Variants in SHC4 observed in about 807,000 individuals in gnomAD.
SHC4 encodes the protein SHC adaptor protein 4.
Under a neutral mutation model 69.4 loss-of-function variants are expected in SHC4, and 41 were observed. That is an observed-to-expected ratio of 0.59 (90% CI 0.46 to 0.77). The LOEUF (loss-of-function observed/expected upper bound fraction) is 0.77. Among genes scored for constraint, SHC4 ranks in the 30% least tolerant of loss-of-function variants. SHC4 has a pLI of 0.00. For missense variants in SHC4, 777 were observed against 783.8 expected (o/e 0.99, Z 0.10); for synonymous variants, 318 against 299.3 (o/e 1.06, Z -0.64).
At chr15:48,880,985 A>T (rs910501325) in intron 4 of SHC4, among the ~76,000 whole-genome samples, 6 of 145,974 alleles carry the variant, frequency 4.1e-5, no homozygotes, top group Admixed American at 6.8e-5. Flanking sequence ...TGTGTGTGAG[A>T]GTGTGTGTGT....
chr15:48,838,864 A>G (rs1054645423), intron 10 of SHC4, among the ~76,000 whole-genome samples: 6 of 152,182 alleles, frequency 3.9e-5, no homozygotes, highest in Non-Finnish European at 8.8e-5. Flanking sequence ...CCAACCTCAC[A>G]TAATCTATAA....
At chr15:48,946,888 A>G (rs1901286843) in intron 1 of SHC4, among the ~76,000 whole-genome samples, 1 of 152,186 alleles carries the variant, frequency 6.6e-6, no homozygotes. Context: ...ATGGATTAAC[A>G]TTTTTTAAAA....
At chr15:48,913,140 G>T (rs902361690) in intron 2 of SHC4, among the ~76,000 whole-genome samples, 34 of 151,736 alleles carry the variant, frequency 2.2e-4, no homozygotes, top group Non-Finnish European at 4.0e-4. Context: ...CCCTTAGTGT[G>T]TGGGGTCCTA....
At chr15:48,836,128 G>A (rs1030148903) in intron 10 of SHC4, among the ~76,000 whole-genome samples, 2 of 151,834 alleles carry the variant, frequency 1.3e-5, no homozygotes, top group African/African-American at 2.4e-5. Flanking sequence ...GGGAGGCAGA[G>A]GTTGCAATGA....
intron 3 of SHC4, among the ~76,000 whole-genome samples, chr15:48,890,109 T>G (rs1900108942): frequency 6.6e-6 from 1 of 152,196 alleles, no homozygotes; most frequent in Non-Finnish European, 1.5e-5. Context: ...AAGTGCTATT[T>G]TCTCCCATTT....
In SHC4 at chr15:48,887,878, A is replaced by G. The variant is rs112375073; in HGVS notation, c.720+2870T>C. ...GTAAGAGACTACTGTGAACAATTGT[A>G]TGCCAACAAATTGGAGAATCTAGAT... On this transcript the variant is annotated intron_variant, in intron 3 of 11. Transcript: ENST00000332408. Among the ~76,000 whole-genome samples the G allele has an allele frequency of 5.3e-4, 80 of 152,358 alleles. 1 individual carries two copies. Among genetic ancestry groups the G allele is most frequent in the African/African-American group, 1.9e-3 (78 of 41,580 alleles).
intron 1 of SHC4, among the ~76,000 whole-genome samples, chr15:48,948,615 A>T (rs57926666): frequency 0.029 from 4,392 of 152,354 alleles, 225 homozygotes; most frequent in African/African-American, 0.1. Flanking sequence ...GCAGATAGTA[A>T]ACACACTGGG....
chr15:48,881,049 G>A (rs960512989), intron 4 of SHC4, among the ~76,000 whole-genome samples: 2 of 149,396 alleles, frequency 1.3e-5, no homozygotes, highest in Non-Finnish European at 3.0e-5. Flanking sequence ...CTAGAGAAAG[G>A]AGTTCTGGGG....
intron 2 of SHC4, among the ~76,000 whole-genome samples, chr15:48,901,182 C>T (rs1008531305): frequency 4.6e-5 from 7 of 152,122 alleles, no homozygotes; most frequent in African/African-American, 1.2e-4. Flanking sequence ...GTGGCAAAAT[C>T]GAAATCAGGT....
rs775142909 is a variant in SHC4 at position 48,831,230 on chromosome 15, CAAGTT to C, written c.1737+3534_1737+3538del. Among the ~76,000 whole-genome samples the C allele has an allele frequency of 1.2e-4, 18 of 151,742 alleles. 1 individual carries two copies. The highest frequency in any genetic ancestry group is 7.9e-4 in the Admixed American group (12 of 15,282). The stretch of plus-strand genomic sequence containing the variant: ...CAAAGTAAAAAAATTACAGTAAACT[CAAGTT>C]AATTTATTATTGAAGAAAGAAAATT... On this transcript the variant is annotated intron_variant, in intron 11 of 11. Coordinates refer to ENST00000332408, the MANE Select transcript of SHC4 (RefSeq NM_203349.4).
chr15:48,834,949 C>T lies in SHC4; in HGVS notation c.1557G>A (p.Gln519=), dbSNP rs757756063. ...GATAGCATTCTTCGCTCCACAGCTGCTGCTTAATGTGTGGCAAAGAATGTG... is the reference window on the plus strand; with the variant it reads ...GATAGCATTCTTCGCTCCACAGCTGTTGCTTAATGTGTGGCAAAGAATGTG... ...ASSHSLPHIK[Q]QLWSEECYHG... The change falls in exon 11 of 12, where the codon CAG becomes CAA. Residue 519 remains glutamine, a synonymous_variant. Transcript: ENST00000332408. The T allele has an allele frequency of 6.2e-7, 1 of 1,613,714 alleles. No individual in the cohort carries two copies. Among genetic ancestry groups the T allele is most frequent in the South Asian group, 1.1e-5 (1 of 91,040 alleles).
At chr15:48,826,265 T>A (rs1898686655) in intron 11 of SHC4, 139 bp from the exon 12 acceptor site, 1 of 870,704 alleles carries the variant, frequency 1.1e-6, no homozygotes, top group Admixed American at 3.3e-5. Flanking sequence ...TTTTTTTTTT[T>A]TTTTGAGACA....
At chr15:48,885,682 C>A (rs1900022697) in intron 3 of SHC4, among the ~76,000 whole-genome samples, 4 of 152,316 alleles carry the variant, frequency 2.6e-5, no homozygotes. Context: ...TGGAGCCATA[C>A]CAAACTGTTA....
chr15:48,851,721 A>C (rs754158943), intron 8 of SHC4, among the ~76,000 whole-genome samples: 1 of 152,190 alleles, frequency 6.6e-6, no homozygotes, highest in Admixed American at 6.5e-5. Context: ...ATCCCTGTAC[A>C]TACAACTCTC....
chr15:48,866,904 A>G (rs1255600371), intron 6 of SHC4, among the ~76,000 whole-genome samples: 1 of 152,222 alleles, frequency 6.6e-6, no homozygotes, highest in East Asian at 1.9e-4. Context: ...TCCCAGCGTT[A>G]GGGATGAGAA....
chr15:48,919,584 T>A (rs1900704051), intron 2 of SHC4, among the ~76,000 whole-genome samples: 1 of 152,024 alleles, frequency 6.6e-6, no homozygotes, highest in East Asian at 1.9e-4. Context: ...CCACCATGCC[T>A]GACCTCTCTC....
intron 6 of SHC4, among the ~76,000 whole-genome samples, chr15:48,859,383 G>T (rs1352497662): frequency 1.3e-5 from 2 of 150,758 alleles, no homozygotes; most frequent in East Asian, 3.9e-4. Flanking sequence ...ACAATGCTAA[G>T]GTATCAAATC....
chr15:48,952,505 A>C (rs1901381628), intron 1 of SHC4, among the ~76,000 whole-genome samples: 1 of 152,214 alleles, frequency 6.6e-6, no homozygotes, highest in South Asian at 2.1e-4. Context: ...CAACCTACAG[A>C]ATGGGAGAAA....
intron 8 of SHC4, among the ~76,000 whole-genome samples, chr15:48,855,041 G>T (rs1340764365): frequency 6.6e-6 from 1 of 152,078 alleles, no homozygotes; most frequent in Non-Finnish European, 1.5e-5. Flanking sequence ...AGAGTGAAGG[G>T]TGGGAGGAGG....
Sources: gnomAD v4.1 joint callset for allele counts (sites outside exome capture counted in the v4.1 genomes callset) on GRCh38, gnomAD v4.1.1 for gene constraint, MANE v1.5 for transcripts, NCBI Gene and HGNC (gene_info 2026-07-23, HGNC 2026-07-21) for gene names.